Variants in ZNF761 observed in about 807,000 individuals in gnomAD.
ZNF761 encodes the protein zinc finger protein 761.
In ZNF761, 43 loss-of-function variants were observed where a neutral mutation model predicts 59.9. That is an observed-to-expected ratio of 0.72 (90% confidence interval 0.56 to 0.92). The LOEUF (loss-of-function observed/expected upper bound fraction) is 0.92. ZNF761 is among the 40% of genes least tolerant of loss of function. ZNF761 has a pLI of 0.00. For missense variants in ZNF761, 850 were observed against 906.1 expected (o/e 0.94, Z 0.79); for synonymous variants, 294 against 304.8 (o/e 0.96, Z 0.37).
At chr19:53,447,633 G>A (rs1600092923) in intron 3 of ZNF761, among the ~76,000 whole-genome samples, 1 of 152,300 alleles carries the variant, frequency 6.6e-6, no homozygotes, top group East Asian at 1.9e-4. Flanking sequence ...TATTAGAGCA[G>A]CTGCCAATGG....
chr19:53,441,449 T>C (rs1003977671), intron 1 of ZNF761, among the ~76,000 whole-genome samples: 3 of 81,958 alleles, frequency 3.7e-5, no homozygotes, highest in Admixed American at 2.3e-4. Context: ...TTTTTTTGTT[T>C]TTTGTTTTTT....
In ZNF761 at chr19:53,456,166, G is replaced by A. The variant is rs761024648; in HGVS notation, c.1659G>A (p.Lys553=). ...CTGGAGAGAAACCTTACAAGTGTAA[G>A]GAGTGTGGCAAGACCTTCAATCAGC... ...LHSGEKPYKC[K]ECGKTFNQQL... Residue 553 remains lysine, a synonymous_variant, in exon 5 of 5, where the codon AAG becomes AAA. Transcript: ENST00000684525. The A allele has an allele frequency of 7.5e-6, 12 of 1,610,056 alleles. No homozygotes were observed. Among genetic ancestry groups the A allele is most frequent in the Non-Finnish European group, 8.5e-6 (10 of 1,178,604 alleles).
At position 53,447,187 on chromosome 19, in the gene ZNF761, A is replaced by G. The variant is rs2086169490; in HGVS notation, c.-73-9A>G. 3 of 1,547,016 alleles carry G rather than the reference A, an allele frequency of 1.9e-6. No homozygotes were observed. The highest frequency in any genetic ancestry group is 2.7e-5 in the African/African-American group (2 of 73,242). On this transcript the variant is annotated splice_polypyrimidine_tract_variant and intron_variant, in intron 2 of 4. Coordinates refer to ENST00000684525, the MANE Select transcript of ZNF761 (RefSeq NM_001289951.2). ...TCTGAGCAATAAACAACATATTTCT[A>G]ACATTCAGGATTGACTTCTAAAGAC...
intron 1 of ZNF761, among the ~76,000 whole-genome samples, chr19:53,434,444 A>G (rs1391135562): frequency 1.3e-5 from 2 of 152,200 alleles, no homozygotes; most frequent in Non-Finnish European, 2.9e-5. Context: ...CAGATCCAAT[A>G]GAGACCAGAG....
chr19:53,455,868 C>T lies in ZNF761; in HGVS notation c.1361C>T (p.Thr454Ile). 2 of 1,613,770 alleles carry T rather than the reference C, an allele frequency of 1.2e-6. No individual in the cohort carries two copies. The highest frequency in any genetic ancestry group is 1.7e-6 in the Non-Finnish European group (2 of 1,179,880). Residue 454 changes from threonine to isoleucine, a missense_variant, in exon 5 of 5, where the codon ACA becomes ATA. Thr to Ile is a moderately conservative substitution (Grantham distance 89). Transcript: ENST00000684525. ...ACCTTTAGCCGGACATCATCCCTTA[C>T]ATGCCATCGTAGACGTCATACTGGA... ...GKTFSRTSSL[T>I]CHRRRHTGEQ...
chr19:53,442,931 A>C, intron 1 of ZNF761: 2 of 341,182 alleles, frequency 5.9e-6, no homozygotes, highest in Admixed American at 8.7e-5. Context: ...ACATCCTATA[A>C]TCAGCTCACA....
chr19:53,456,558 A>T lies in ZNF761; in HGVS notation c.2051A>T (p.His684Leu), dbSNP rs367700329. ...KSYFICHHRL[H>L]TGEKPYKCNE... ...TATTTTATATGCCATCATAGACTTC[A>T]TACTGGAGAGAAACCTTATAAGTGT... is the stretch of plus-strand genomic sequence containing the variant. The change falls in exon 5 of 5, where the codon CAT (histidine) becomes CTT (leucine). Residue 684 changes from histidine (H) to leucine (L), a missense_variant. Coordinates refer to ENST00000684525, the MANE Select transcript of ZNF761 (RefSeq NM_001289951.2). 9 of 1,612,096 alleles carry T rather than the reference A, an allele frequency of 5.6e-6. No homozygotes were observed. The highest frequency in any genetic ancestry group is 6.8e-6 in the Non-Finnish European group (8 of 1,178,762).
At chr19:53,439,406 C>T (rs1260967817) in intron 1 of ZNF761, among the ~76,000 whole-genome samples, 1 of 151,968 alleles carries the variant, frequency 6.6e-6, no homozygotes, top group Non-Finnish European at 1.5e-5. Context: ...CCCTGGTTCA[C>T]GCCATTCTCC....
In ZNF761 at chr19:53,454,893, G is replaced by T; in HGVS notation, c.386G>T (p.Ser129Ile). 3 of 1,614,176 alleles carry T rather than the reference G, an allele frequency of 1.9e-6. No individual in the cohort carries two copies. The stretch of plus-strand genomic sequence containing the variant: ...GGTATTACAGAACGATATGATCAAA[G>T]TCATGCTAGAAACAAGCCTATTAAA... ...LTGITERYDQ[S>I]HARNKPIKDQ... Residue 129 changes from serine (S) to isoleucine (I), a missense_variant, in exon 5 of 5, where the codon AGT (serine) becomes ATT (isoleucine). Coordinates refer to ENST00000684525, the MANE Select transcript of ZNF761 (RefSeq NM_001289951.2).
chr19:53,440,059 A>G (rs4239498), intron 1 of ZNF761, among the ~76,000 whole-genome samples: 133,187 of 152,142 alleles, frequency 0.88, 58,471 homozygotes, highest in South Asian at 0.91. Flanking sequence ...GCTCACTCCT[A>G]TAATCCCACC....
At position 53,456,938 on chromosome 19, in the gene ZNF761, G is replaced by A. The variant is rs766179651; in HGVS notation, c.*190G>A. On this transcript the variant is annotated 3_prime_UTR_variant, in exon 5 of 5. Transcript: ENST00000684525. ...GAAGAATGTCACAAAGTTTACAGTC[G>A]CACATCAAACCGTGAAAGACAGGAG... The A allele has an allele frequency of 2.1e-5, 16 of 749,444 alleles. No individual in the cohort carries two copies. Among genetic ancestry groups the A allele is most frequent in the Non-Finnish European group, 2.9e-5 (13 of 446,850 alleles). The allele number at this position is 749,444 out of a possible 1,614,324, so 46.4% of individuals were successfully genotyped here. A position where few individuals can be genotyped will look rare whatever the true frequency, so the allele number is the denominator to read the frequency against.
At chr19:53,435,346 C>T (rs1358341846) in intron 1 of ZNF761, among the ~76,000 whole-genome samples, 1 of 114,262 alleles carries the variant, frequency 8.8e-6, no homozygotes, top group African/African-American at 3.7e-5. Context: ...CTCTTGTTGC[C>T]CAGTCTGGAG....
intron 1 of ZNF761, among the ~76,000 whole-genome samples, chr19:53,436,405 C>A (rs183233626): frequency 5.9e-5 from 9 of 152,244 alleles, no homozygotes; most frequent in African/African-American, 1.7e-4. Flanking sequence ...TCCTCTAGTT[C>A]TTGGAGATCA....
intron 1 of ZNF761, among the ~76,000 whole-genome samples, chr19:53,441,567 C>T (rs1279027482): frequency 6.6e-6 from 1 of 151,836 alleles, no homozygotes; most frequent in African/African-American, 2.4e-5. Flanking sequence ...TTGCCTCAAC[C>T]TCCTGAGTAT....
chr19:53,454,703 A>G lies in ZNF761; in HGVS notation c.196A>G (p.Arg66Gly), dbSNP rs1436142152. 1.9e-6 allele frequency: 3 copies of G among 1,613,234 alleles called. No homozygotes were observed. In the African/African-American group the frequency reaches 4.0e-5, roughly 21 times the overall value. ...KEFLSTAQGN[R>G]EVFHAGTLQI... ...GTTCTTGTCAACAGCGCAAGGCAAC[A>G]GAGAAGTGTTCCATGCAGGGACATT... The change falls in exon 5 of 5, where the codon AGA (arginine) becomes GGA (glycine). Residue 66 changes from arginine to glycine, a missense_variant. Physicochemically the swap from Arg to Gly is moderately radical, Grantham distance 125 (BLOSUM62 -2). Transcript: ENST00000684525.
rs529022548 is a variant in ZNF761 at position 53,438,377 on chromosome 19, A to T, written c.-185+6349A>T. On this transcript the variant is annotated intron_variant, in intron 1 of 4. Transcript: ENST00000684525. The stretch of plus-strand genomic sequence containing the variant: ...AGGCCATCTTAACACCATGGAGTCT[A>T]GTTGTTGGGATAAATATGCCACTGG... Among the ~76,000 whole-genome samples the T allele has an allele frequency of 6.6e-5, 10 of 152,370 alleles. No individual in the cohort carries two copies. In the South Asian group the frequency reaches 1.4e-3, roughly 22 times the overall value.
intron 1 of ZNF761, among the ~76,000 whole-genome samples, chr19:53,436,521 C>T (rs959685742): frequency 3.9e-5 from 6 of 152,140 alleles, no homozygotes; most frequent in Admixed American, 6.5e-5. Flanking sequence ...GAGGACCATA[C>T]GAAAGAGCTG....
chr19:53,433,014 T>G (rs1331832655), intron 1 of ZNF761, among the ~76,000 whole-genome samples: 6 of 103,902 alleles, frequency 5.8e-5, no homozygotes, highest in Non-Finnish European at 1.2e-4. Flanking sequence ...GGAGGACACC[T>G]GGGGATCTGG....
At chr19:53,438,999 C>T (rs898816972) in intron 1 of ZNF761, among the ~76,000 whole-genome samples, 3 of 152,062 alleles carry the variant, frequency 2.0e-5, no homozygotes, top group Non-Finnish European at 2.9e-5. Context: ...GAGAACGGGG[C>T]ATGGTGGTTT....
Sources: allele counts gnomAD v4.1 joint callset (sites outside exome capture counted in the v4.1 genomes callset), GRCh38; gene constraint gnomAD v4.1.1; transcripts MANE v1.5; gene names NCBI Gene and HGNC (gene_info 2026-07-23, HGNC 2026-07-21).